Variants in IFFO2 observed in about 807,000 individuals in gnomAD.
IFFO2 encodes the protein intermediate filament family orphan 2.
A neutral mutation model predicts 53.5 loss-of-function variants in IFFO2; 19 were observed. The ratio of observed to expected loss-of-function variants is 0.36; its 90% CI spans 0.25 to 0.52. IFFO2 has a LOEUF of 0.52. Ranked by LOEUF, IFFO2 falls within the 20% of genes least tolerant of loss-of-function variation. The probability of loss-of-function intolerance (pLI) is 0.94; values close to 1 mark genes in which losing one functional copy is unlikely to be tolerated. For missense variants in IFFO2, 570 were observed against 727.4 expected, an observed-to-expected ratio of 0.78 and a Z score of 2.49; for synonymous variants, 303 against 313.6, an observed-to-expected ratio of 0.97 and a Z score of 0.36.
intron 1 of IFFO2, among the ~76,000 whole-genome samples, chr1:18,930,878 A>T (rs1403071140): frequency 6.6e-6 from 1 of 152,182 alleles, no homozygotes; most frequent in Non-Finnish European, 1.5e-5. Context: ...TATTGAACAC[A>T]ACTTTGGAGA....
chr1:18,913,208 C>T (rs532879561), intron 5 of IFFO2, among the ~76,000 whole-genome samples: 9 of 152,348 alleles, frequency 5.9e-5, no homozygotes, highest in East Asian at 1.9e-4. Flanking sequence ...CTGCCTCGAG[C>T]GCCCCCTGGA....
In IFFO2 at chr1:18,919,827, G is replaced by C; in HGVS notation, c.727-54C>G. ...GAGGGGCCGGGTCCTCTGGGGATAG[G>C]AGGGTCTGGACACCTGAGTCCAGAG... On this transcript the variant is annotated intron_variant, in intron 2 of 8. Transcript: ENST00000455833. The surrounding 1 kb of genome is among the most constrained non-coding windows in gnomAD (Gnocchi z 4.9). 2.3e-6 allele frequency: 3 copies of C among 1,299,346 alleles called. No homozygotes were observed. The highest frequency in any genetic ancestry group is 3.3e-6 in the Non-Finnish European group (3 of 921,338). 80.5% of individuals were successfully genotyped at this position (1,299,346 alleles called of 1,614,324 possible).
chr1:18,924,825 C>A (rs1179503254), intron 1 of IFFO2, among the ~76,000 whole-genome samples: 2 of 152,212 alleles, frequency 1.3e-5, no homozygotes, highest in Non-Finnish European at 2.9e-5. Flanking sequence ...AGAATATTGA[C>A]AGGCCTGCCA....
intron 1 of IFFO2, among the ~76,000 whole-genome samples, chr1:18,923,685 C>A (rs1368989465): frequency 6.6e-6 from 1 of 152,208 alleles, no homozygotes; most frequent in African/African-American, 2.4e-5. Flanking sequence ...GGAGCTGGGA[C>A]TCAAAGCTAG....
At chr1:18,926,000 A>ATTGG (rs1557643257) in intron 1 of IFFO2, among the ~76,000 whole-genome samples, 19 of 9,176 alleles carry the variant, frequency 2.1e-3, no homozygotes, top group Non-Finnish European at 3.2e-3. Context: ...GGATGGATGG[A>ATTGG]TTGGTTGGAT....
At chr1:18,952,766 C>T (rs141744355) in intron 1 of IFFO2, among the ~76,000 whole-genome samples, 4 of 152,294 alleles carry the variant, frequency 2.6e-5, no homozygotes, top group Admixed American at 2.0e-4. Flanking sequence ...TGCCCTAAAA[C>T]GGGATTGTGG....
At position 18,919,595 on chromosome 1, in the gene IFFO2, CCGGAGCCT is replaced by C; in HGVS notation, c.822+75_822+82del. 1 of 923,148 alleles carries C rather than the reference CCGGAGCCT, an allele frequency of 1.1e-6. No individual in the cohort carries two copies. Among genetic ancestry groups the C allele is most frequent in the Non-Finnish European group, 1.7e-6 (1 of 576,570 alleles). The allele number at this position is 923,148 out of a possible 1,614,324, so 57.2% of individuals were successfully genotyped here. ...CAGGATTCTAACTAGAAGCCGAGCC[CCGGAGCCT>C]CGGAGGGAATGAAGCATTTTGCATG... On this transcript the variant is annotated intron_variant, in intron 3 of 8. Transcript: ENST00000455833. The surrounding 1 kb of genome is among the most constrained non-coding windows in gnomAD (Gnocchi z 4.9).
rs1214570757 is a variant in IFFO2 at position 18,936,948 on chromosome 1, G to A, written c.666-15827C>T. ...GATGTGCAAACACAAACTGGCTGCA[G>A]GTGGGGCAAAAAAAAAAAAAAAGCA... On this transcript the variant is annotated intron_variant, in intron 1 of 8. Coordinates refer to ENST00000455833, the MANE Select transcript of IFFO2 (RefSeq NM_001136265.2). This position sits in a 1 kb window ranked among gnomAD's most constrained non-coding sequence, Gnocchi z 4.5. Among the ~76,000 whole-genome samples the A allele has an allele frequency of 1.2e-5, 1 of 85,196 alleles. No homozygotes were observed. Among genetic ancestry groups the A allele is most frequent in the Non-Finnish European group, 2.4e-5 (1 of 41,950 alleles). 55.9% of individuals were successfully genotyped at this position (85,196 alleles called of 152,430 possible).
chr1:18,909,798 A>C (rs922234335), intron 8 of IFFO2, among the ~76,000 whole-genome samples: 10 of 151,892 alleles, frequency 6.6e-5, no homozygotes, highest in African/African-American at 2.4e-4. Flanking sequence ...GGGTCTTGCT[A>C]TGTTGCCCAA....
intron 7 of IFFO2, 105 bp downstream of exon 7, chr1:18,911,279 T>G (rs1936032647): frequency 1.9e-6 from 1 of 520,756 alleles, no homozygotes. Flanking sequence ...CCTGCCCCAC[T>G]CTACCAGCCC....
At chr1:18,924,457 G>C (rs1029911445) in intron 1 of IFFO2, among the ~76,000 whole-genome samples, 5 of 152,232 alleles carry the variant, frequency 3.3e-5, no homozygotes, top group African/African-American at 1.2e-4. Context: ...GAGGGCAGCA[G>C]GAAGGGACAG....
At chr1:18,946,174 G>C (rs1035218236) in intron 1 of IFFO2, among the ~76,000 whole-genome samples, 25 of 152,206 alleles carry the variant, frequency 1.6e-4, no homozygotes, top group African/African-American at 5.8e-4. Context: ...CCAAGGATTT[G>C]GTCCCCACAG....
At chr1:18,912,375 G>A (rs979247553) in intron 5 of IFFO2, among the ~76,000 whole-genome samples, 1 of 152,012 alleles carries the variant, frequency 6.6e-6, no homozygotes. Context: ...GTCCAATCTT[G>A]CAATTTTCCT....
rs774354612 is a variant in IFFO2, at chr1:18,919,180, C to G, written c.822+498G>C. On this transcript the variant is annotated intron_variant, in intron 3 of 8. Transcript: ENST00000455833. This position sits in a 1 kb window ranked among gnomAD's most constrained non-coding sequence, Gnocchi z 4.9. ...GCCCTTTGCTGCCAACAGCTCCCCC[C>G]ACCCACAGATACTTAGAGGGGCCCC... Among the ~76,000 whole-genome samples, 7 of 152,196 alleles carry G rather than the reference C, an allele frequency of 4.6e-5. No homozygotes were observed. Among genetic ancestry groups the G allele is most frequent in the Admixed American group, 1.3e-4 (2 of 15,292 alleles).
intron 1 of IFFO2, among the ~76,000 whole-genome samples, chr1:18,933,493 G>C (rs182973590): frequency 1.3e-5 from 2 of 152,208 alleles, no homozygotes. Context: ...ACACATAACA[G>C]GCCAGGCACG....
At position 18,908,585 on chromosome 1, in the gene IFFO2, C is replaced by T. The variant is rs548281155; in HGVS notation, c.1530G>A (p.Ala510=). 38 of 1,551,646 alleles carry T rather than the reference C, an allele frequency of 2.4e-5. No homozygotes were observed. In the East Asian group the frequency reaches 5.1e-4, roughly 21 times the overall value. ...ATCAGCTGACCATGGGCTCCACATC[C>T]GCCTCGCGCTCGAACTCATCCTGGA... ...DEIQDEFERE[A]DVEPMVS The change falls in exon 9 of 9, where the codon GCG becomes GCA. Residue 510 remains alanine, a synonymous_variant. Transcript: ENST00000455833.
At position 18,936,476 on chromosome 1, in the gene IFFO2, C is replaced by T. The variant is rs987146232; in HGVS notation, c.666-15355G>A. 2.0e-5 allele frequency among the ~76,000 whole-genome samples: 3 copies of T among 152,218 alleles called. No homozygotes were observed. Among genetic ancestry groups the T allele is most frequent in the African/African-American group, 7.2e-5 (3 of 41,458 alleles). On this transcript the variant is annotated intron_variant, in intron 1 of 8. Transcript: ENST00000455833. This position sits in a 1 kb window ranked among gnomAD's most constrained non-coding sequence, Gnocchi z 4.5. ...GGGGTCTGGGCAGCAGGTCTTTGGG[C>T]ACTCAGGTCAAGAGGCAGGAGGCCC... is the stretch of plus-strand genomic sequence containing the variant.
intron 5 of IFFO2, among the ~76,000 whole-genome samples, chr1:18,912,917 G>C (rs566290463): frequency 6.6e-6 from 1 of 152,234 alleles, no homozygotes; most frequent in Non-Finnish European, 1.5e-5. Flanking sequence ...GGGTTCCCAA[G>C]ATGCCTTGGT....
At position 18,919,434 on chromosome 1, in the gene IFFO2, G is replaced by A. The variant is rs968020138; in HGVS notation, c.822+244C>T. Among the ~76,000 whole-genome samples the A allele has an allele frequency of 6.6e-6, 1 of 152,006 alleles. No homozygotes were observed. The highest frequency in any genetic ancestry group is 2.4e-5 in the African/African-American group (1 of 41,376). On this transcript the variant is annotated intron_variant, in intron 3 of 8. Coordinates refer to ENST00000455833, the MANE Select transcript of IFFO2 (RefSeq NM_001136265.2). The surrounding 1 kb of genome is among the most constrained non-coding windows in gnomAD (Gnocchi z 4.9). ...CCATCAGGGGAGCCCGGGGGAGGGC[G>A]GGATAGGTTAAGCGGCAGATTAATG...
Sources: gnomAD v4.1 joint callset for allele counts (sites outside exome capture counted in the v4.1 genomes callset) on GRCh38, gnomAD v4.1.1 for gene constraint, Gnocchi (gnomAD v3.1) non-coding constraint, MANE v1.5 for transcripts, NCBI Gene and HGNC (gene_info 2026-07-23, HGNC 2026-07-21) for gene names.